The following NIPA2 variants were observed in gnomAD, a reference collection of about 807,000 sequenced individuals.
NIPA2 encodes NIPA magnesium transporter 2, also known as magnesium transporter NIPA2.
In NIPA2, 11 loss-of-function variants were observed where a neutral mutation model predicts 29.7. The ratio of observed to expected loss-of-function variants is 0.37; its 90% CI spans 0.23 to 0.61. The LOEUF (loss-of-function observed/expected upper bound fraction) is 0.61, where lower values mean the gene tolerates loss of function less well. Ranked by LOEUF, NIPA2 falls within the 20% of genes least tolerant of loss-of-function variation. The pLI is 0.66. For missense variants in NIPA2, 426 were observed against 437.9 expected (o/e 0.97, Z 0.24); for synonymous variants, 183 against 161.9 (o/e 1.13, Z -0.99).
chr15:22,849,380 T>A (rs1314617356), intron 3 of NIPA2, among the ~76,000 whole-genome samples: 2 of 144,546 alleles, frequency 1.4e-5, no homozygotes, highest in Non-Finnish European at 3.0e-5. Flanking sequence ...ACCTAAGACT[T>A]TTCTCATGGA....
chr15:22,852,319 T>G (rs549364382), intron 4 of NIPA2, among the ~76,000 whole-genome samples: 151 of 151,950 alleles, frequency 9.9e-4, no homozygotes, highest in African/African-American at 3.5e-3. Context: ...ATACAAAAAT[T>G]AGCCGGGCAT....
At chr15:22,848,824 T>TC (rs2057482139) in intron 3 of NIPA2, among the ~76,000 whole-genome samples, 3 of 10,616 alleles carry the variant, frequency 2.8e-4, no homozygotes, top group African/African-American at 3.6e-4. Flanking sequence ...GACTCTTGTC[T>TC]CAAAAAAAAA....
At chr15:22,866,137 T>C (rs2059048217) in intron 7 of NIPA2, 76 bp from the exon 8 acceptor site, 2 of 1,187,226 alleles carry the variant, frequency 1.7e-6, no homozygotes, top group Admixed American at 4.5e-5. Flanking sequence ...ATCAAGTTTA[T>C]TATATTTTGT....
chr15:22,866,114 A>T, intron 7 of NIPA2, 99 bp from the exon 8 acceptor site: 1 of 975,698 alleles, frequency 1.0e-6, no homozygotes. Context: ...TCCAGGCCAT[A>T]CCTTTTCTCC....
intron 7 of NIPA2, 122 bp downstream of exon 7, chr15:22,860,911 C>G (rs893428183): frequency 4.8e-5 from 32 of 667,794 alleles, no homozygotes; most frequent in Non-Finnish European, 7.4e-5. Flanking sequence ...AACAAATTGT[C>G]GTCATGTTCC....
In NIPA2 at chr15:22,867,898, T is replaced by TAGAA. The variant is rs1257526947; in HGVS notation, c.*1052_*1055dup. 1 of 152,156 alleles carries TAGAA rather than the reference T, an allele frequency of 6.6e-6. No homozygotes were observed. Among genetic ancestry groups the TAGAA allele is most frequent in the Non-Finnish European group, 1.5e-5 (1 of 68,024 alleles). 9.4% of individuals were successfully genotyped at this position (152,156 alleles called of 1,614,324 possible). The stretch of plus-strand genomic sequence containing the variant: ...AAACTGCAAACATATGCAGAAAAGG[T>TAGAA]AGAATAATAAAAAAGGTCTAATGAA... On this transcript the variant is annotated 3_prime_UTR_variant, in exon 8 of 8. Transcript: ENST00000337451.
At chr15:22,852,856 C>T (rs946672657) in intron 4 of NIPA2, among the ~76,000 whole-genome samples, 2 of 152,154 alleles carry the variant, frequency 1.3e-5, no homozygotes, top group Non-Finnish European at 2.9e-5. Flanking sequence ...CTTCTGTCTT[C>T]CCTGTGCCAT....
Position 22,866,716 on chromosome 15 carries a change from A to G in NIPA2, c.952A>G (p.Lys318Glu). Residue 318 changes from lysine to glutamate, a missense_variant, in exon 8 of 8, where the codon AAA (lysine) becomes GAA (glutamate). This residue lies in a region of NIPA2 where 357 missense variants were observed against 339.8 expected (regional missense o/e 1.05). Coordinates refer to ENST00000337451, the MANE Select transcript of NIPA2 (RefSeq NM_030922.7). ...GCCTGTGTCTTTTCGAAAAGACGAG[A>G]AAGCAATGAATGGCAATCTCTCTAA... ...SLPVSFRKDE[K>E]AMNGNLSNMY... The G allele has an allele frequency of 6.2e-7, 1 of 1,614,130 alleles. No homozygotes were observed. Among genetic ancestry groups the G allele is most frequent in the Non-Finnish European group, 8.5e-7 (1 of 1,179,992 alleles).
intron 6 of NIPA2, 67 bp downstream of exon 6, chr15:22,858,697 C>G (rs1244730941): frequency 2.3e-5 from 21 of 928,858 alleles, no homozygotes; most frequent in Non-Finnish European, 3.3e-5. Flanking sequence ...TCAGTACCAT[C>G]TAATTAAATA....
At position 22,866,566 on chromosome 15, in the gene NIPA2, T is replaced by C; in HGVS notation, c.802T>C (p.Phe268Leu). The change falls in exon 8 of 8, where the codon TTT becomes CTT. Residue 268 changes from phenylalanine to leucine, a missense_variant. Around this residue, in one of 3 missense-constraint regions of NIPA2, gnomAD observed 357 missense variants for 339.8 expected, o/e 1.05. Coordinates refer to ENST00000337451, the MANE Select transcript of NIPA2 (RefSeq NM_030922.7). Reference protein sequence around the residue: ...TSVLTCSAILFKEWQDMPVDD... With the variant: ...TSVLTCSAILLKEWQDMPVDD... Reference sequence around the variant, plus strand: ...AGTTTTAACTTGTTCAGCTATTCTTTTTAAGGAGTGGCAAGATATGCCTGT... The same window carrying C: ...AGTTTTAACTTGTTCAGCTATTCTTCTTAAGGAGTGGCAAGATATGCCTGT... The C allele has an allele frequency of 6.2e-7, 1 of 1,614,182 alleles. No individual in the cohort carries two copies. The highest frequency in any genetic ancestry group is 2.2e-5 in the East Asian group (1 of 44,890).
chr15:22,864,027 G>A (rs1401405574), intron 7 of NIPA2, among the ~76,000 whole-genome samples: 3 of 151,980 alleles, frequency 2.0e-5, no homozygotes, highest in African/African-American at 7.3e-5. Flanking sequence ...CTTTTCTGAG[G>A]ATATTAGTAA....
intron 2 of NIPA2, among the ~76,000 whole-genome samples, chr15:22,844,029 T>C (rs546687167): frequency 6.6e-6 from 1 of 152,298 alleles, no homozygotes; most frequent in Admixed American, 6.5e-5. Context: ...TTGCTAACTT[T>C]GGTGATTGTG....
At chr15:22,843,106 C>T (rs7171633) in intron 2 of NIPA2, among the ~76,000 whole-genome samples, 3,404 of 151,980 alleles carry the variant, frequency 0.022, 126 homozygotes, top group African/African-American at 0.078. Context: ...AAACAGGGGT[C>T]GTGATTCCAA....
At position 22,868,259 on chromosome 15, in the gene NIPA2, C is replaced by T. The variant is rs756712145; in HGVS notation, c.*1412C>T. On this transcript the variant is annotated 3_prime_UTR_variant, in exon 8 of 8. Transcript: ENST00000337451. The stretch of plus-strand genomic sequence containing the variant: ...CCATTTTAATACTACAGATGTACTA[C>T]GTATCTGTTTATATACTGTACCTAC... 1 of 151,782 alleles carries T rather than the reference C, an allele frequency of 6.6e-6. No individual in the cohort carries two copies. The highest frequency in any genetic ancestry group is 1.9e-4 in the East Asian group (1 of 5,192). 9.4% of individuals were successfully genotyped at this position (151,782 alleles called of 1,614,324 possible).
chr15:22,840,322 G>C (rs1896714425), intron 2 of NIPA2, among the ~76,000 whole-genome samples: 1 of 141,090 alleles, frequency 7.1e-6, no homozygotes. Flanking sequence ...TTTTGAGATG[G>C]AATCTTGCTC....
At chr15:22,839,051 G>A (rs971521203) in intron 1 of NIPA2, 130 bp downstream of exon 1, 4 of 152,210 alleles carry the variant, frequency 2.6e-5, no homozygotes, top group African/African-American at 9.7e-5. Flanking sequence ...CGGTTTTCCT[G>A]TAATCCTCAG....
chr15:22,866,644 T>G lies in NIPA2; in HGVS notation c.880T>G (p.Phe294Val), dbSNP rs368288855. Residue 294 changes from phenylalanine (F) to valine (V), a missense_variant, in exon 8 of 8, where the codon TTC becomes GTC. Phe to Val is a conservative substitution (Grantham distance 50, BLOSUM62 -1). Coordinates refer to ENST00000337451, the MANE Select transcript of NIPA2 (RefSeq NM_030922.7). ...SGFFTIIVGI[F>V]LLHAFKDVSF... ...CTTCTTTACAATCATTGTGGGGATATTCTTGTTGCATGCCTTTAAAGACGT... is the reference window on the plus strand; with the variant it reads ...CTTCTTTACAATCATTGTGGGGATAGTCTTGTTGCATGCCTTTAAAGACGT... The G allele has an allele frequency of 5.6e-6, 9 of 1,614,032 alleles. No individual in the cohort carries two copies. In the African/African-American group the frequency reaches 9.3e-5, roughly 17 times the overall value.
In NIPA2 at chr15:22,860,006, T is replaced by C. The variant is rs112225434; in HGVS notation, c.288-623T>C. Among the ~76,000 whole-genome samples, 474 of 151,272 alleles carry C rather than the reference T, an allele frequency of 3.1e-3. 3 individuals are homozygous for C. The highest frequency in any genetic ancestry group is 0.011 in the African/African-American group (460 of 41,140). ...AATAAGTTGAGTAAATTTTAAGCAC[T>C]GGTGGTTTGGATAGAGATTCTTTTT... is the stretch of plus-strand genomic sequence containing the variant. On this transcript the variant is annotated intron_variant, in intron 6 of 7. Coordinates refer to ENST00000337451, the MANE Select transcript of NIPA2 (RefSeq NM_030922.7).
chr15:22,866,178 A>C, intron 7 of NIPA2, 35 bp from the exon 8 acceptor site: 1 of 1,580,672 alleles, frequency 6.3e-7, no homozygotes. Context: ...ACAACCAACC[A>C]TTTGACTCAT....
Sources: gnomAD v4.1 joint callset for allele counts (sites outside exome capture counted in the v4.1 genomes callset) on GRCh38, gnomAD v4.1.1 for gene constraint, gnomAD v4.1.1 regional missense constraint, MANE v1.5 for transcripts, NCBI Gene and HGNC (gene_info 2026-07-23, HGNC 2026-07-21) for gene names.